Variants in RIMBP2 observed in about 807,000 individuals in gnomAD.
RIMBP2 encodes RIMS binding protein 2.
A neutral mutation model predicts 118.6 loss-of-function variants in RIMBP2; 48 were observed. The ratio of observed to expected loss-of-function variants is 0.40; its 90% CI spans 0.32 to 0.51. The LOEUF (loss-of-function observed/expected upper bound fraction) is 0.51. RIMBP2 is among the 20% of genes least tolerant of loss of function. The probability of loss-of-function intolerance (pLI) is 0.41; values close to 1 mark genes in which losing one functional copy is unlikely to be tolerated. For synonymous variants in RIMBP2, 762 were observed against 742.9 expected (o/e 1.03, Z -0.42); for missense variants, 1,551 against 1,768.3 (o/e 0.88, Z 2.20).
At position 130,683,984 on chromosome 12, in the gene RIMBP2, G is replaced by C. The variant is rs1269080589; in HGVS notation, c.-352+32238C>G. Among the ~76,000 whole-genome samples the C allele has an allele frequency of 6.6e-6, 1 of 152,056 alleles. No homozygotes were observed. The highest frequency in any genetic ancestry group is 2.4e-5 in the African/African-American group (1 of 41,380). On this transcript the variant is annotated intron_variant, in intron 1 of 22. Transcript: ENST00000690449. This position sits in a 1 kb window ranked among gnomAD's most constrained non-coding sequence, Gnocchi z 4.4. ...TAGAGAATCCCCTTTCCCTCTCCAG[G>C]ACTTTTTCCAGATCCAGGAGAGAAT... is the stretch of plus-strand genomic sequence containing the variant.
At chr12:130,639,582 T>C (rs1344559690) in intron 1 of RIMBP2, among the ~76,000 whole-genome samples, 1 of 151,842 alleles carries the variant, frequency 6.6e-6, no homozygotes, top group Non-Finnish European at 1.5e-5. Context: ...TGCTGTTCTT[T>C]TGTACACAGC....
intron 6 of RIMBP2, among the ~76,000 whole-genome samples, chr12:130,462,465 A>G (rs1171550171): frequency 4.6e-5 from 7 of 152,176 alleles, no homozygotes; most frequent in African/African-American, 9.7e-5. Context: ...CGGCGTGACC[A>G]TAAGCATAAG....
chr12:130,436,853 C>T lies in RIMBP2; in HGVS notation c.2095G>A (p.Glu699Lys), dbSNP rs768170548. The change falls in exon 13 of 23, where the codon GAG becomes AAG. Residue 699 changes from glutamate (E) to lysine (K), a missense_variant. Physicochemically the swap from Glu to Lys is moderately conservative, Grantham distance 56. Coordinates refer to ENST00000690449, the MANE Select transcript of RIMBP2 (RefSeq NM_001393629.1). ...AGCCCCAGCCTTACCCTGCTGCTCT[C>T]GGCCACCCTCTGCGCGGCCTCCCGG... ...MAREAAQRVA[E>K]SSRLEKRSVF... 1.8e-5 allele frequency: 27 copies of T among 1,476,966 alleles called. 1 individual carries two copies. In the South Asian group the frequency reaches 3.0e-4, roughly 16 times the overall value. 91.5% of individuals were successfully genotyped at this position (1,476,966 alleles called of 1,614,324 possible). A position where few individuals can be genotyped will look rare whatever the true frequency, so the allele number is the denominator to read the frequency against.
At chr12:130,636,414 G>A (rs1025271749) in intron 1 of RIMBP2, among the ~76,000 whole-genome samples, 4 of 152,158 alleles carry the variant, frequency 2.6e-5, no homozygotes, top group Admixed American at 2.6e-4. Context: ...TTCTGTGCAG[G>A]TGCGAGGACC....
Position 130,456,719 on chromosome 12 carries a change from A to G in RIMBP2, c.154-19T>C. On this transcript the variant is annotated intron_variant, in intron 6 of 22. Coordinates refer to ENST00000690449, the MANE Select transcript of RIMBP2 (RefSeq NM_001393629.1). ...CCTTGGACTGCACGGCAGAAGCAGG[A>G]CAGGGGGTCAGCGGTGGCATTTGGT... 1 of 1,581,746 alleles carries G rather than the reference A, an allele frequency of 6.3e-7. No homozygotes were observed. The highest frequency in any genetic ancestry group is 8.6e-7 in the Non-Finnish European group (1 of 1,158,110).
intron 4 of RIMBP2, among the ~76,000 whole-genome samples, chr12:130,495,980 G>A (rs1479594225): frequency 1.3e-4 from 20 of 152,162 alleles, no homozygotes; most frequent in South Asian, 4.1e-4. Context: ...TGAGATCAAC[G>A]GGAACGTCCC....
rs140479421 is a variant in RIMBP2, at chr12:130,619,020, A to AAC, written c.-217+9300_-217+9301dup. Among the ~76,000 whole-genome samples the AAC allele has an allele frequency of 4.5e-3, 676 of 151,840 alleles. 5 individuals are homozygous for AAC. The highest frequency in any genetic ancestry group is 0.015 in the African/African-American group (639 of 41,472). On this transcript the variant is annotated intron_variant, in intron 2 of 22. Transcript: ENST00000690449. ...TATTGCTGATGGACTTTTTATGTTA[A>AAC]ACACACACACACACACCCCTTACTT...
Position 130,621,691 on chromosome 12 carries a change from G to A in RIMBP2, c.-217+6631C>T, listed in dbSNP as rs1308959049. ...GCAAGTAAATGACATCCCAGGGCCC[G>A]AGTTTACCAAGAGACACGAGTGAAA... On this transcript the variant is annotated intron_variant, in intron 2 of 22. Transcript: ENST00000690449. This position sits in a 1 kb window ranked among gnomAD's most constrained non-coding sequence, Gnocchi z 6.6. Among the ~76,000 whole-genome samples, 2 of 152,294 alleles carry A rather than the reference G, an allele frequency of 1.3e-5. No homozygotes were observed. The highest frequency in any genetic ancestry group is 2.4e-5 in the African/African-American group (1 of 41,568).
At chr12:130,585,547 G>T (rs1336931121) in intron 2 of RIMBP2, among the ~76,000 whole-genome samples, 1 of 151,354 alleles carries the variant, frequency 6.6e-6, no homozygotes. Context: ...AGTTGGGGAG[G>T]TCCTGGCTGC....
At chr12:130,444,211 A>G (rs1223637348) in intron 10 of RIMBP2, among the ~76,000 whole-genome samples, 1 of 152,172 alleles carries the variant, frequency 6.6e-6, no homozygotes, top group African/African-American at 2.4e-5. Context: ...TTTGCTACCA[A>G]CTGTGGTGAG....
At chr12:130,607,114 GCCA>G (rs970874813) in intron 2 of RIMBP2, among the ~76,000 whole-genome samples, 15 of 152,110 alleles carry the variant, frequency 9.9e-5, no homozygotes, top group Non-Finnish European at 1.8e-4. Context: ...ACAGGTATGA[GCCA>G]CCACGGCCGG....
chr12:130,438,351 C>CCACCAAAA lies in RIMBP2; in HGVS notation c.1656+13_1656+14insTTTTGGTG. 1 of 1,589,930 alleles carries CCACCAAAA rather than the reference C, an allele frequency of 6.3e-7. No individual in the cohort carries two copies. Among genetic ancestry groups the CCACCAAAA allele is most frequent in the Non-Finnish European group, 8.6e-7 (1 of 1,158,622 alleles). On this transcript the variant is annotated intron_variant, in intron 12 of 22. Coordinates refer to ENST00000690449, the MANE Select transcript of RIMBP2 (RefSeq NM_001393629.1). ...GCCTAACAAACCCTCCCCACCCACC[C>CCACCAAAA]AACGAAAACTCACCCTCTGCCCTTT...
chr12:130,553,589 C>T (rs567234257), intron 2 of RIMBP2, among the ~76,000 whole-genome samples: 57 of 152,126 alleles, frequency 3.7e-4, no homozygotes, highest in Middle Eastern at 3.4e-3. Context: ...ACCGAAAATA[C>T]AAAAATTAGC....
At chr12:130,489,126 T>G (rs1443771174) in intron 4 of RIMBP2, among the ~76,000 whole-genome samples, 1 of 152,220 alleles carries the variant, frequency 6.6e-6, no homozygotes, top group Non-Finnish European at 1.5e-5. Context: ...ACAATTAAAT[T>G]CTTTCATGTC....
chr12:130,655,161 G>A (rs2063371480), intron 1 of RIMBP2, among the ~76,000 whole-genome samples: 1 of 152,200 alleles, frequency 6.6e-6, no homozygotes. Context: ...AGAATGGGGT[G>A]CTGGACAGAG....
chr12:130,432,063 C>T, intron 14 of RIMBP2: 1 of 336,714 alleles, frequency 3.0e-6, no homozygotes, highest in Non-Finnish European at 5.8e-6. Flanking sequence ...GCGCTGAATG[C>T]CGATCTCAAA....
intron 1 of RIMBP2, among the ~76,000 whole-genome samples, chr12:130,648,843 A>G (rs1033465344): frequency 6.9e-6 from 1 of 145,054 alleles, no homozygotes; most frequent in African/African-American, 2.5e-5. Context: ...TTTAGTAGGG[A>G]CAGGGTTTCT....
rs1420334644 is a variant in RIMBP2 at position 130,683,549 on chromosome 12, T to C, written c.-352+32673A>G. 6.6e-6 allele frequency among the ~76,000 whole-genome samples: 1 copy of C among 152,206 alleles called. No homozygotes were observed. The highest frequency in any genetic ancestry group is 1.5e-5 in the Non-Finnish European group (1 of 68,040). On this transcript the variant is annotated intron_variant, in intron 1 of 22. Transcript: ENST00000690449. This position sits in a 1 kb window ranked among gnomAD's most constrained non-coding sequence, Gnocchi z 4.4. The stretch of plus-strand genomic sequence containing the variant: ...GAGGCTGAGACCTACTGGGCTGCAT[T>C]CCCAGATGGTGAAGGCATTCTAAGT...
At chr12:130,676,627 AAAAAAAG>A (rs1013147182) in intron 1 of RIMBP2, among the ~76,000 whole-genome samples, 2 of 152,024 alleles carry the variant, frequency 1.3e-5, no homozygotes, top group African/African-American at 4.8e-5. Flanking sequence ...TGTCTCAAAA[AAAAAAAG>A]AAAAAAGAAA....
Sources: gnomAD v4.1 joint callset for allele counts (sites outside exome capture counted in the v4.1 genomes callset) on GRCh38, gnomAD v4.1.1 for gene constraint, Gnocchi (gnomAD v3.1) non-coding constraint, MANE v1.5 for transcripts, NCBI Gene and HGNC (gene_info 2026-07-23, HGNC 2026-07-21) for gene names.